The following PPM1B variants were observed in gnomAD, a reference collection of about 807,000 sequenced individuals.
PPM1B encodes protein phosphatase 1B.
A neutral mutation model predicts 43.0 loss-of-function variants in PPM1B; 22 were observed. The observed-to-expected ratio is 0.51, with a 90% CI of 0.37 to 0.73. The LOEUF (loss-of-function observed/expected upper bound fraction) is 0.73. Ranked by LOEUF, PPM1B falls within the 30% of genes least tolerant of loss-of-function variation. The probability of loss-of-function intolerance (pLI) is 0.00; values close to 1 mark genes in which losing one functional copy is unlikely to be tolerated. For missense variants in PPM1B, 632 were observed against 584.2 expected, an observed-to-expected ratio of 1.08 and a Z score of -0.84; for synonymous variants, 217 against 197.9, an observed-to-expected ratio of 1.10 and a Z score of -0.81.
At chr2:44,221,587 T>G (rs1669979154) in intron 5 of PPM1B, among the ~76,000 whole-genome samples, 1 of 152,140 alleles carries the variant, frequency 6.6e-6, no homozygotes, top group Non-Finnish European at 1.5e-5. Flanking sequence ...AAATTAAGTT[T>G]TTTTAAATAA....
At chr2:44,195,022 G>A (rs1668594572) in intron 1 of PPM1B, among the ~76,000 whole-genome samples, 2 of 150,744 alleles carry the variant, frequency 1.3e-5, no homozygotes, top group Admixed American at 1.3e-4. Flanking sequence ...CTCCTAAGTA[G>A]CTGGGATGAC....
chr2:44,175,500 C>G (rs1249784064), intron 1 of PPM1B, among the ~76,000 whole-genome samples: 8 of 152,152 alleles, frequency 5.3e-5, no homozygotes, highest in Non-Finnish European at 1.0e-4. Flanking sequence ...AGTATCTGAA[C>G]AAAACAGACA....
downstream of PPM1B, chr2:44,234,599 T>C: frequency 1.0e-6 from 1 of 985,208 alleles, no homozygotes; most frequent in South Asian, 4.7e-5. Context: ...AGAAATAATG[T>C]ATGAGTTAGT....
intron 5 of PPM1B, among the ~76,000 whole-genome samples, chr2:44,242,240 C>T (rs573725960): frequency 5.3e-5 from 8 of 151,552 alleles, no homozygotes; most frequent in South Asian, 2.1e-4. Context: ...AAGAATGGTA[C>T]GTAAAATAAT....
intron 2 of PPM1B, among the ~76,000 whole-genome samples, chr2:44,206,033 CAAAA>C (rs1669175203): frequency 6.6e-6 from 1 of 152,104 alleles, no homozygotes; most frequent in Non-Finnish European, 1.5e-5. Context: ...CAAAAACAAA[CAAAA>C]AACTGTATCA....
downstream of PPM1B, among the ~76,000 whole-genome samples, chr2:44,238,632 G>A (rs1381829733): frequency 6.6e-6 from 1 of 152,036 alleles, no homozygotes; most frequent in Non-Finnish European, 1.5e-5. Context: ...AACCTGGGAG[G>A]CGGAGGTTGC....
At chr2:44,175,052 C>G (rs1030512321) in intron 1 of PPM1B, among the ~76,000 whole-genome samples, 1 of 152,052 alleles carries the variant, frequency 6.6e-6, no homozygotes, top group Non-Finnish European at 1.5e-5. Flanking sequence ...CTCAGGAGTT[C>G]GAGACCAGCC....
downstream of PPM1B, chr2:44,233,314 TA>T (rs993364999): frequency 9.3e-6 from 9 of 966,708 alleles, no homozygotes; most frequent in Non-Finnish European, 1.2e-6. Context: ...ACTACAGAGA[TA>T]TTTTCATGGG....
chr2:44,187,998 C>T (rs1027974868), intron 1 of PPM1B, among the ~76,000 whole-genome samples: 7 of 152,184 alleles, frequency 4.6e-5, no homozygotes, highest in Admixed American at 2.0e-4. Context: ...CATCTGCCCA[C>T]CTCGGCCTCC....
intron 2 of PPM1B, among the ~76,000 whole-genome samples, chr2:44,206,168 A>G (rs914360539): frequency 6.6e-6 from 1 of 152,214 alleles, no homozygotes; most frequent in Non-Finnish European, 1.5e-5. Flanking sequence ...TAAAAAGAAC[A>G]TGTAATAATC....
At chr2:44,206,640 A>G (rs533013744) in intron 2 of PPM1B, among the ~76,000 whole-genome samples, 2 of 150,118 alleles carry the variant, frequency 1.3e-5, no homozygotes, top group African/African-American at 5.1e-5. Context: ...CAAAAGGGTT[A>G]AAAGAAATTA....
At chr2:44,215,341 TC>T (rs1483292143) in intron 3 of PPM1B, among the ~76,000 whole-genome samples, 1 of 152,156 alleles carries the variant, frequency 6.6e-6, no homozygotes, top group African/African-American at 2.4e-5. Flanking sequence ...CACCTGTAGT[TC>T]CAGCTACTTG....
rs190025675 is a variant in PPM1B, at chr2:44,219,835, C to T, written c.1134+1298C>T. On this transcript the variant is annotated intron_variant, in intron 5 of 5. Coordinates refer to ENST00000282412, the MANE Select transcript of PPM1B (RefSeq NM_002706.6). ...GCGCATGTCTGTAATCCCAGCTACT[C>T]GGGAGGCTGAGGCAGGAGAATCGCT... 5.9e-3 allele frequency among the ~76,000 whole-genome samples: 892 copies of T among 151,496 alleles called. 9 individuals are homozygous for T. The highest frequency in any genetic ancestry group is 0.021 in the African/African-American group (848 of 41,248).
At chr2:44,176,970 G>C (rs1017711635) in intron 1 of PPM1B, among the ~76,000 whole-genome samples, 1 of 152,112 alleles carries the variant, frequency 6.6e-6, no homozygotes, top group South Asian at 2.1e-4. Flanking sequence ...CGTAGAGACG[G>C]GGTTTCACCA....
In PPM1B at chr2:44,178,452, G is replaced by GTATA. The variant is rs1553326413; in HGVS notation, c.-15+9198_-15+9201dup. 7.0e-4 allele frequency among the ~76,000 whole-genome samples: 95 copies of GTATA among 135,684 alleles called. No homozygotes were observed. In the Middle Eastern group the frequency reaches 0.011, roughly 16 times the overall value. 89.0% of individuals were successfully genotyped at this position (135,684 alleles called of 152,430 possible). A position where few individuals can be genotyped will look rare whatever the true frequency, so the allele number is the denominator to read the frequency against. On this transcript the variant is annotated intron_variant, in intron 1 of 5. Transcript: ENST00000282412. ...CCTACCAGTGGTGTATTTTATATAT[G>GTATA]TATATATATATATATATATATATTT...
At chr2:44,245,754 A>G (rs185920279), downstream of PPM1B, among the ~76,000 whole-genome samples, 1 of 152,300 alleles carries the variant, frequency 6.6e-6, no homozygotes, top group East Asian at 1.9e-4. Context: ...CCCAAGAGAA[A>G]CACTGCCTGT....
Position 44,201,341 on chromosome 2 carries a change from C to T in PPM1B, c.142C>T (p.His48Tyr), listed in dbSNP as rs1375949538. The change falls in exon 2 of 6, where the codon CAC (histidine) becomes TAC (tyrosine). Residue 48 changes from histidine (H) to tyrosine (Y), a missense_variant. Coordinates refer to ENST00000282412, the MANE Select transcript of PPM1B (RefSeq NM_002706.6). This position sits in a 1 kb window ranked among gnomAD's most constrained non-coding sequence, Gnocchi z 5.4. ...ACACACAGCTGTTGTAGGTATTCCT[C>T]ACGGCTTGGAAGACTGGTCATTTTT... ...DAHTAVVGIP[H>Y]GLEDWSFFAV... The T allele has an allele frequency of 1.2e-6, 2 of 1,613,998 alleles. No homozygotes were observed. Among genetic ancestry groups the T allele is most frequent in the African/African-American group, 2.7e-5 (2 of 74,894 alleles).
At chr2:44,208,777 A>C (rs1669313647) in intron 2 of PPM1B, among the ~76,000 whole-genome samples, 1 of 152,228 alleles carries the variant, frequency 6.6e-6, no homozygotes, top group Non-Finnish European at 1.5e-5. Flanking sequence ...AACAATTTTC[A>C]GCTATGTTAA....
chr2:44,217,896 C>G, intron 3 of PPM1B, 71 bp from the exon 4 acceptor site: 1 of 883,782 alleles, frequency 1.1e-6, no homozygotes, highest in Non-Finnish European at 1.7e-6. Flanking sequence ...CAAATAGTAT[C>G]TCTTGTTTCA....
Sources: allele counts gnomAD v4.1 joint callset (sites outside exome capture counted in the v4.1 genomes callset), GRCh38; gene constraint gnomAD v4.1.1; non-coding constraint Gnocchi (gnomAD v3.1); transcripts MANE v1.5; gene names NCBI Gene and HGNC (gene_info 2026-07-23, HGNC 2026-07-21).